The following PLEKHH2 variants were observed in gnomAD, a reference collection of about 807,000 sequenced individuals.
PLEKHH2 encodes the protein pleckstrin homology domain-containing family H member 2.
A neutral mutation model predicts 187.9 loss-of-function variants in PLEKHH2; 129 were observed. That is an observed-to-expected ratio of 0.69 (90% CI 0.59 to 0.79). The LOEUF is 0.79. PLEKHH2 is among the 30% of genes least tolerant of loss of function. PLEKHH2 has a pLI of 0.00. For missense variants in PLEKHH2, 2,076 were observed against 1,751.2 expected, an observed-to-expected ratio of 1.19 and a Z score of -3.31; for synonymous variants, 686 against 605.6, an observed-to-expected ratio of 1.13 and a Z score of -1.95.
chr2:43,659,869 T>G lies in PLEKHH2; in HGVS notation c.123+15073T>G, dbSNP rs150832896. Among the ~76,000 whole-genome samples the G allele has an allele frequency of 2.3e-3, 346 of 152,316 alleles. 2 individuals are homozygous for G. Among genetic ancestry groups the G allele is most frequent in the South Asian group, 5.2e-3 (25 of 4,832 alleles). On this transcript the variant is annotated intron_variant, in intron 2 of 29. Coordinates refer to ENST00000282406, the MANE Select transcript of PLEKHH2 (RefSeq NM_172069.4). Reference sequence around the variant, plus strand: ...CCACTGTGCCTGGCCTGCAAGGCACTTTTTAAAAATTTTTTTTGGTCAAGT... The same window carrying G: ...CCACTGTGCCTGGCCTGCAAGGCACGTTTTAAAAATTTTTTTTGGTCAAGT...
chr2:43,741,373 C>A (rs59545826), intron 21 of PLEKHH2: 1 of 163,828 alleles, frequency 6.1e-6, no homozygotes, highest in African/African-American at 2.4e-5. Context: ...TTAGTTTTCC[C>A]TTTTACTATT....
At chr2:43,731,409 A>G (rs1189393332) in intron 18 of PLEKHH2, 81 bp from the exon 19 acceptor site, 1 of 909,666 alleles carries the variant, frequency 1.1e-6, no homozygotes, top group South Asian at 1.6e-5. Context: ...TGAATGAGCT[A>G]ATGTCTAAAG....
rs573919717 is a variant in PLEKHH2 at position 43,670,646 on chromosome 2, T to G, written c.124-8217T>G. On this transcript the variant is annotated intron_variant, in intron 2 of 29. Coordinates refer to ENST00000282406, the MANE Select transcript of PLEKHH2 (RefSeq NM_172069.4). Reference sequence around the variant, plus strand: ...TAATTTTTTTTTTTTCTAAGCTGCTTAGGCTATTCTAGGTCCTGTGCATTT... The same window carrying G: ...TAATTTTTTTTTTTTCTAAGCTGCTGAGGCTATTCTAGGTCCTGTGCATTT... Among the ~76,000 whole-genome samples the G allele has an allele frequency of 9.2e-5, 14 of 152,148 alleles. No individual in the cohort carries two copies. In the South Asian group the frequency reaches 1.5e-3, roughly 16 times the overall value.
At chr2:43,655,030 C>G (rs1666682755) in intron 2 of PLEKHH2, among the ~76,000 whole-genome samples, 1 of 151,416 alleles carries the variant, frequency 6.6e-6, no homozygotes, top group Non-Finnish European at 1.5e-5. Flanking sequence ...GACTCCATCT[C>G]AAAAAAATTA....
intron 1 of PLEKHH2, among the ~76,000 whole-genome samples, chr2:43,640,950 A>T (rs1574460814): frequency 8.6e-6 from 1 of 115,776 alleles, no homozygotes; most frequent in Non-Finnish European, 1.7e-5. Context: ...TGCCTGGCTA[A>T]TTTTTTTTTT....
intron 15 of PLEKHH2, among the ~76,000 whole-genome samples, chr2:43,714,574 A>G (rs1670125894): frequency 1.3e-5 from 2 of 152,298 alleles, no homozygotes; most frequent in South Asian, 4.1e-4. Context: ...CATTGTTTTT[A>G]TTAAGTACAG....
intron 10 of PLEKHH2, 43 bp from the exon 11 acceptor site, chr2:43,707,358 A>T (rs1009886536): frequency 6.2e-7 from 1 of 1,606,048 alleles, no homozygotes; most frequent in African/African-American, 1.3e-5. Flanking sequence ...ATGAGTGGTA[A>T]CATTAGGGAT....
chr2:43,642,843 A>C lies in PLEKHH2; in HGVS notation c.-3-1828A>C, dbSNP rs186519849. On this transcript the variant is annotated intron_variant, in intron 1 of 29. Coordinates refer to ENST00000282406, the MANE Select transcript of PLEKHH2 (RefSeq NM_172069.4). ...GACATTTTACTGTAGGACATAGGCA[A>C]GTTATTTTACATGTAGAGCAAAAAT... is the stretch of plus-strand genomic sequence containing the variant. Among the ~76,000 whole-genome samples, 145 of 152,266 alleles carry C rather than the reference A, an allele frequency of 9.5e-4. 3 individuals carry two copies. In the South Asian group the frequency reaches 0.029, roughly 30 times the overall value.
chr2:43,754,073 G>A (rs546067210), intron 25 of PLEKHH2, among the ~76,000 whole-genome samples: 14 of 151,492 alleles, frequency 9.2e-5, no homozygotes, highest in African/African-American at 2.7e-4. Flanking sequence ...TGCTGAAATC[G>A]CTTGGTAGTC....
intron 6 of PLEKHH2, among the ~76,000 whole-genome samples, chr2:43,696,147 A>G (rs1558507511): frequency 6.6e-6 from 1 of 152,080 alleles, no homozygotes; most frequent in African/African-American, 2.4e-5. Context: ...TTTAAAAAAA[A>G]CATATATCTC....
intron 14 of PLEKHH2, chr2:43,710,957 A>G: frequency 3.0e-6 from 3 of 1,008,446 alleles, no homozygotes; most frequent in South Asian, 8.8e-5. Context: ...GTATTTTAAT[A>G]TAGAATCTGA....
intron 15 of PLEKHH2, among the ~76,000 whole-genome samples, chr2:43,719,998 C>A (rs554994094): frequency 3.9e-5 from 6 of 152,054 alleles, no homozygotes; most frequent in Non-Finnish European, 8.8e-5. Context: ...TGCACTTTCT[C>A]TTCTTTATGT....
At chr2:43,646,882 T>A (rs992558643) in intron 2 of PLEKHH2, among the ~76,000 whole-genome samples, 1 of 151,602 alleles carries the variant, frequency 6.6e-6, no homozygotes, top group Non-Finnish European at 1.5e-5. Context: ...ATCTAAGAGA[T>A]GGAATTATTC....
At chr2:43,762,978 A>G (rs1672485596) in intron 28 of PLEKHH2, among the ~76,000 whole-genome samples, 1 of 152,180 alleles carries the variant, frequency 6.6e-6, no homozygotes, top group Non-Finnish European at 1.5e-5. Flanking sequence ...TACTAAATTC[A>G]CCTGGCAGGT....
At chr2:43,739,035 G>T (rs1192217122) in intron 20 of PLEKHH2, among the ~76,000 whole-genome samples, 3 of 152,060 alleles carry the variant, frequency 2.0e-5, no homozygotes, top group Non-Finnish European at 4.4e-5. Context: ...GAGATTACAG[G>T]CATGTGCCAA....
At chr2:43,695,097 TATA>T (rs1669022393) in intron 5 of PLEKHH2, 43 bp from the exon 6 acceptor site, 1 of 1,033,350 alleles carries the variant, frequency 9.7e-7, no homozygotes. Context: ...AGTACATTTT[TATA>T]ATATTATCTC....
chr2:43,718,186 T>G (rs1216353365), intron 15 of PLEKHH2, among the ~76,000 whole-genome samples: 3 of 152,230 alleles, frequency 2.0e-5, no homozygotes, highest in Admixed American at 6.5e-5. Context: ...CTTTAAATTT[T>G]CGTGAGGATT....
At chr2:43,731,649 A>G (rs754598988) in intron 19 of PLEKHH2, 47 bp downstream of exon 19, 2 of 1,177,316 alleles carry the variant, frequency 1.7e-6, no homozygotes, top group Non-Finnish European at 1.2e-6. Context: ...AAATACTTAT[A>G]TGTTGTTAAA....
rs745583800 is a variant in PLEKHH2, at chr2:43,700,502, A to G, written c.1544A>G (p.Asp515Gly). 1 of 1,613,912 alleles carries G rather than the reference A, an allele frequency of 6.2e-7. No homozygotes were observed. The highest frequency in any genetic ancestry group is 1.1e-5 in the South Asian group (1 of 91,070). The change falls in exon 8 of 30, where the codon GAC becomes GGC. Residue 515 changes from aspartate (D) to glycine (G), a missense_variant. Asp to Gly is a moderately conservative substitution (Grantham distance 94, BLOSUM62 -1). Transcript: ENST00000282406. ...TGTGATGATGGATTATTTTCCTATG[A>G]CTCCTTGGACTCTCCAAATTCAGAT... ...TSCDDGLFSY[D>G]SLDSPNSDDQ... is the part of the protein sequence containing the mutation.
Sources: gnomAD v4.1 joint callset for allele counts (sites outside exome capture counted in the v4.1 genomes callset) on GRCh38, gnomAD v4.1.1 for gene constraint, MANE v1.5 for transcripts, NCBI Gene and HGNC (gene_info 2026-07-23, HGNC 2026-07-21) for gene names.